The following KCMF1 variants were observed in gnomAD, a reference collection of about 807,000 sequenced individuals.
KCMF1 encodes the protein E3 ubiquitin-protein ligase KCMF1.
A neutral mutation model predicts 41.1 loss-of-function variants in KCMF1; 3 were observed. The ratio of observed to expected loss-of-function variants is 0.07; its 90% CI spans 0.03 to 0.19. KCMF1 has a LOEUF of 0.19. Among genes scored for constraint, KCMF1 ranks in the 10% least tolerant of loss-of-function variants. KCMF1 has a pLI of 1.00. For synonymous variants in KCMF1, 142 were observed against 164.5 expected (o/e 0.86, Z 1.04); for missense variants, 286 against 488.9 (o/e 0.58, Z 3.91).
chr2:84,978,779 G>A (rs1401423610), intron 1 of KCMF1, among the ~76,000 whole-genome samples: 3 of 151,904 alleles, frequency 2.0e-5, no homozygotes, highest in East Asian at 1.9e-4. Flanking sequence ...GCAATGGCGC[G>A]ATCTCAGCTC....
chr2:85,003,296 AC>A (rs1332906009), intron 1 of KCMF1, among the ~76,000 whole-genome samples: 1 of 151,828 alleles, frequency 6.6e-6, no homozygotes, highest in Non-Finnish European at 1.5e-5. Flanking sequence ...ACACGGTGAA[AC>A]CCCGTCTCTA....
chr2:85,021,363 C>G (rs1030142889), intron 1 of KCMF1, among the ~76,000 whole-genome samples: 1 of 152,194 alleles, frequency 6.6e-6, no homozygotes, highest in Non-Finnish European at 1.5e-5. Flanking sequence ...GTGGCTCACG[C>G]GTGTAATCCC....
At chr2:85,040,334 T>C (rs1574039730) in intron 3 of KCMF1, among the ~76,000 whole-genome samples, 2 of 152,132 alleles carry the variant, frequency 1.3e-5, no homozygotes, top group East Asian at 3.9e-4. Context: ...AAGTTACCCT[T>C]TGTGTCGAGT....
intron 1 of KCMF1, among the ~76,000 whole-genome samples, chr2:85,008,764 T>TC (rs1293118998): frequency 6.8e-6 from 1 of 146,212 alleles, no homozygotes; most frequent in Non-Finnish European, 1.5e-5. Flanking sequence ...TGACATGTAC[T>TC]CTTTTTTTTT....
intron 1 of KCMF1, among the ~76,000 whole-genome samples, chr2:85,003,514 G>C (rs1675761692): frequency 6.6e-6 from 1 of 151,666 alleles, no homozygotes; most frequent in African/African-American, 2.4e-5. Context: ...ATACCCGTTT[G>C]CCTCGCTTCA....
chr2:85,024,345 C>T (rs564827620), intron 1 of KCMF1, among the ~76,000 whole-genome samples: 4 of 152,076 alleles, frequency 2.6e-5, no homozygotes, highest in East Asian at 3.9e-4. Flanking sequence ...TGGTGCCAGG[C>T]GCCTATGATC....
chr2:84,999,881 T>C (rs944025368), intron 1 of KCMF1, among the ~76,000 whole-genome samples: 5 of 152,070 alleles, frequency 3.3e-5, no homozygotes, highest in Non-Finnish European at 4.4e-5. Context: ...AGTGAGGAAA[T>C]CTCACAGAAA....
At chr2:84,992,268 T>A (rs947311388) in intron 1 of KCMF1, among the ~76,000 whole-genome samples, 1 of 152,214 alleles carries the variant, frequency 6.6e-6, no homozygotes, top group Non-Finnish European at 1.5e-5. Flanking sequence ...CTCTTTTTCT[T>A]TTTTTGAGAT....
intron 1 of KCMF1, among the ~76,000 whole-genome samples, chr2:85,020,163 A>G (rs2104016747): frequency 6.6e-6 from 1 of 152,240 alleles, no homozygotes; most frequent in South Asian, 2.1e-4. Flanking sequence ...AGTTGCCTTA[A>G]GCTTTGTTCA....
intron 1 of KCMF1, among the ~76,000 whole-genome samples, chr2:84,978,513 T>A (rs1431513314): frequency 4.0e-5 from 6 of 151,812 alleles, no homozygotes; most frequent in South Asian, 4.1e-4. Context: ...TTTTTTTTTT[T>A]TATACTTTAA....
At chr2:85,049,949 A>G (rs1675768204) in intron 6 of KCMF1, among the ~76,000 whole-genome samples, 1 of 152,136 alleles carries the variant, frequency 6.6e-6, no homozygotes, top group Non-Finnish European at 1.5e-5. Context: ...GCCAGAGCCC[A>G]GGAGTTCCAA....
At chr2:84,997,829 G>A (rs1324729206) in intron 1 of KCMF1, among the ~76,000 whole-genome samples, 18 of 143,370 alleles carry the variant, frequency 1.3e-4, no homozygotes, top group East Asian at 2.2e-4. Flanking sequence ...GGAGAGCAGC[G>A]GTGCAATCCT....
chr2:85,052,112 C>G (rs965726187), intron 6 of KCMF1, among the ~76,000 whole-genome samples: 13 of 152,188 alleles, frequency 8.5e-5, no homozygotes, highest in Non-Finnish European at 1.5e-4. Context: ...TCTTGTTGCC[C>G]AAGCTGGAGT....
At chr2:84,988,273 A>C (rs1673952643) in intron 1 of KCMF1, among the ~76,000 whole-genome samples, 1 of 152,036 alleles carries the variant, frequency 6.6e-6, no homozygotes, top group Non-Finnish European at 1.5e-5. Flanking sequence ...GGGGGTGGGA[A>C]GTAGAGTAGA....
At chr2:85,012,749 A>G (rs75958352) in intron 1 of KCMF1, among the ~76,000 whole-genome samples, 2,334 of 152,306 alleles carry the variant, frequency 0.015, 30 homozygotes, top group South Asian at 0.063. Flanking sequence ...TCCTACTCCT[A>G]TACAGAGCTT....
chr2:85,045,512 A>G (rs1433194656), intron 4 of KCMF1, among the ~76,000 whole-genome samples: 1 of 152,062 alleles, frequency 6.6e-6, no homozygotes, highest in African/African-American at 2.4e-5. Context: ...CTTCTATATG[A>G]TCTGGCCTCC....
intron 1 of KCMF1, among the ~76,000 whole-genome samples, chr2:84,995,146 T>A (rs1424968979): frequency 6.6e-6 from 1 of 151,904 alleles, no homozygotes; most frequent in Admixed American, 6.6e-5. Context: ...CTCAGCCTTC[T>A]GAGTAGCTGG....
rs1675881747 is a variant in KCMF1, at chr2:85,054,426, A to G, written c.*1017A>G. 6.6e-6 allele frequency: 1 copy of G among 152,154 alleles called. No individual in the cohort carries two copies. The highest frequency in any genetic ancestry group is 1.5e-5 in the Non-Finnish European group (1 of 68,012). The allele number at this position is 152,154 out of a possible 1,614,324, so 9.4% of individuals were successfully genotyped here. ...TTTGCCTTCCCAGATTTGTCAGTAT[A>G]TTACAACCAAATTCTTAATGCTAAT... is the stretch of plus-strand genomic sequence containing the variant. On this transcript the variant is annotated 3_prime_UTR_variant, in exon 7 of 7. Coordinates refer to ENST00000409785, the MANE Select transcript of KCMF1 (RefSeq NM_020122.5).
At chr2:85,008,346 T>G (rs1331091671) in intron 1 of KCMF1, among the ~76,000 whole-genome samples, 11 of 62,668 alleles carry the variant, frequency 1.8e-4, no homozygotes, top group African/African-American at 6.2e-4. Flanking sequence ...ATATGATATA[T>G]AATATATAAT....
Sources: gnomAD v4.1 joint callset for allele counts (sites outside exome capture counted in the v4.1 genomes callset) on GRCh38, gnomAD v4.1.1 for gene constraint, MANE v1.5 for transcripts, NCBI Gene and HGNC (gene_info 2026-07-23, HGNC 2026-07-21) for gene names.